Variants in WDR59 observed in about 807,000 individuals in gnomAD.
The protein encoded by WDR59 is WD repeat domain 59.
WDR59 carries 100 observed loss-of-function variants against 131.2 expected under a neutral mutation model. That is an observed-to-expected ratio of 0.76 (90% CI 0.65 to 0.90). The LOEUF (loss-of-function observed/expected upper bound fraction) is 0.90, where lower values mean the gene tolerates loss of function less well. WDR59 is among the 40% of genes least tolerant of loss of function. WDR59 has a pLI of 0.00. For missense variants in WDR59, 1,203 were observed against 1,262.2 expected (o/e 0.95, Z 0.71); for synonymous variants, 601 against 466.2 (o/e 1.29, Z -3.72).
intron 1 of WDR59, among the ~76,000 whole-genome samples, chr16:74,981,652 A>AT (rs1567450950): frequency 2.6e-4 from 2 of 7,720 alleles, no homozygotes; most frequent in Non-Finnish European, 7.2e-4. Context: ...ATATATATAT[A>AT]TATATATATT....
At chr16:74,885,268 C>T (rs978351625) in intron 25 of WDR59, among the ~76,000 whole-genome samples, 14 of 151,842 alleles carry the variant, frequency 9.2e-5, no homozygotes, top group South Asian at 4.2e-4. Flanking sequence ...GCCTGGCCAA[C>T]GTGGTAAAAC....
At chr16:74,972,821 TAA>T (rs57885889) in intron 1 of WDR59, among the ~76,000 whole-genome samples, 1,804 of 54,964 alleles carry the variant, frequency 0.033, 28 homozygotes, top group East Asian at 0.12. Flanking sequence ...GACTCTGTCT[TAA>T]AAAAAAAAAA....
At chr16:74,982,862 AGACAG>A (rs2034482940) in intron 1 of WDR59, among the ~76,000 whole-genome samples, 1 of 152,158 alleles carries the variant, frequency 6.6e-6, no homozygotes, top group Non-Finnish European at 1.5e-5. Context: ...CTCCGGCAAA[AGACAG>A]GATGGGGTTT....
intron 20 of WDR59, among the ~76,000 whole-genome samples, chr16:74,890,388 T>C (rs895014408): frequency 6.6e-6 from 1 of 152,122 alleles, no homozygotes; most frequent in African/African-American, 2.4e-5. Context: ...TGGACTCAAG[T>C]GATCCACCTG....
At position 74,965,760 on chromosome 16, in the gene WDR59, C is replaced by T; in HGVS notation, c.104+13G>A. On this transcript the variant is annotated intron_variant, in intron 2 of 25. Coordinates refer to ENST00000262144, the MANE Select transcript of WDR59 (RefSeq NM_030581.4). Reference sequence around the variant, plus strand: ...CAGAAATCATGGCAGACAAACTCGGCAAGCTTACTTACCCAGAAAGCACTG... The same window carrying T: ...CAGAAATCATGGCAGACAAACTCGGTAAGCTTACTTACCCAGAAAGCACTG... 1.2e-6 allele frequency: 2 copies of T among 1,614,010 alleles called. No homozygotes were observed. Among genetic ancestry groups the T allele is most frequent in the South Asian group, 1.1e-5 (1 of 91,066 alleles).
chr16:74,913,806 G>C (rs1031867256), intron 13 of WDR59, among the ~76,000 whole-genome samples: 4 of 152,208 alleles, frequency 2.6e-5, no homozygotes, highest in African/African-American at 9.7e-5. Context: ...CTGCTCATGG[G>C]TATGGGGTTT....
In WDR59 at chr16:74,893,696, C is replaced by A. The variant is rs772281415; in HGVS notation, c.1983G>T (p.Ser661=). The change falls in exon 19 of 26, where the codon TCG becomes TCT. Residue 661 remains serine (S), a synonymous_variant. Coordinates refer to ENST00000262144, the MANE Select transcript of WDR59 (RefSeq NM_030581.4). ...DIACLLPVHK[S]LGELYILNVN... ...GTACTTACATGTACAGCTCTCCCAGCGATTTGTGAACAGGCAGGAGGCAAG... is the reference window on the plus strand; with the variant it reads ...GTACTTACATGTACAGCTCTCCCAGAGATTTGTGAACAGGCAGGAGGCAAG... 1 of 1,614,042 alleles carries A rather than the reference C, an allele frequency of 6.2e-7. No homozygotes were observed. Among genetic ancestry groups the A allele is most frequent in the Admixed American group, 1.7e-5 (1 of 60,008 alleles).
intron 1 of WDR59, among the ~76,000 whole-genome samples, chr16:74,981,652 ATATATATAT>A (rs2034428108): frequency 1.3e-4 from 1 of 7,720 alleles, no homozygotes; most frequent in African/African-American, 1.8e-4. Context: ...ATATATATAT[ATATATATAT>A]TTTTTTTTTT....
intron 8 of WDR59, among the ~76,000 whole-genome samples, chr16:74,926,211 C>A (rs2030800161): frequency 1.3e-5 from 2 of 151,884 alleles, no homozygotes; most frequent in Non-Finnish European, 2.9e-5. Flanking sequence ...AGGCACGCAC[C>A]ACCACGCCTG....
chr16:74,960,199 C>T (rs915469403), intron 2 of WDR59, among the ~76,000 whole-genome samples: 30 of 151,940 alleles, frequency 2.0e-4, no homozygotes, highest in African/African-American at 7.2e-4. Flanking sequence ...GGCATGGCAG[C>T]GTGAGCCTGT....
rs940646466 is a variant in WDR59, at chr16:74,888,157, G to T, written c.2346+12C>A. 2.5e-5 allele frequency: 39 copies of T among 1,562,514 alleles called. No homozygotes were observed. Among genetic ancestry groups the T allele is most frequent in the Middle Eastern group, 1.7e-4 (1 of 5,826 alleles). On this transcript the variant is annotated intron_variant, in intron 22 of 25. Transcript: ENST00000262144. Reference sequence around the variant, plus strand: ...AAAAAAATCAGACAAAACCAGAAAAGGACAAACTTACATATCGACTATGGG... The same window carrying T: ...AAAAAAATCAGACAAAACCAGAAAATGACAAACTTACATATCGACTATGGG...
At chr16:74,881,646 G>C (rs1400133971) in intron 25 of WDR59, among the ~76,000 whole-genome samples, 2 of 151,980 alleles carry the variant, frequency 1.3e-5, no homozygotes, top group African/African-American at 4.8e-5. Context: ...AGGCCCAGGT[G>C]GGTGGATCAC....
intron 8 of WDR59, among the ~76,000 whole-genome samples, chr16:74,936,403 G>T (rs2031805376): frequency 6.6e-6 from 1 of 152,088 alleles, no homozygotes; most frequent in African/African-American, 2.4e-5. Context: ...GGAAACCCCA[G>T]ACTCACAGGT....
chr16:74,975,107 T>C (rs745844962), intron 1 of WDR59, among the ~76,000 whole-genome samples: 4 of 152,182 alleles, frequency 2.6e-5, no homozygotes, highest in African/African-American at 4.8e-5. Flanking sequence ...ACACCTGTAA[T>C]CCCAGCACCT....
chr16:74,973,197 C>T (rs929390017), intron 1 of WDR59, among the ~76,000 whole-genome samples: 7 of 152,064 alleles, frequency 4.6e-5, no homozygotes, highest in African/African-American at 1.2e-4. Flanking sequence ...GCCAAGATTG[C>T]GCCATTGCAC....
At chr16:74,954,499 T>A (rs541714679) in intron 3 of WDR59, among the ~76,000 whole-genome samples, 142 of 152,240 alleles carry the variant, frequency 9.3e-4, no homozygotes, top group Non-Finnish European at 1.7e-3. Flanking sequence ...ATACAAAAAA[T>A]AAATTTTGGA....
chr16:74,899,782 G>C, intron 18 of WDR59: 7 of 1,286,282 alleles, frequency 5.4e-6, no homozygotes, highest in Non-Finnish European at 7.1e-6. Flanking sequence ...ACACCCAGGA[G>C]GAGGGAAGAA....
intron 6 of WDR59, among the ~76,000 whole-genome samples, chr16:74,947,412 A>G (rs1175009732): frequency 6.6e-6 from 1 of 152,228 alleles, no homozygotes; most frequent in African/African-American, 2.4e-5. Flanking sequence ...ATGCAGATAC[A>G]ATCAGTGTAA....
chr16:74,876,307 A>G (rs983772717), intron 25 of WDR59, among the ~76,000 whole-genome samples: 7 of 152,218 alleles, frequency 4.6e-5, no homozygotes, highest in African/African-American at 1.7e-4. Flanking sequence ...ATAATTTTTT[A>G]TATTATGTAC....
Sources: allele counts gnomAD v4.1 joint callset (sites outside exome capture counted in the v4.1 genomes callset), GRCh38; gene constraint gnomAD v4.1.1; transcripts MANE v1.5; gene names NCBI Gene and HGNC (gene_info 2026-07-23, HGNC 2026-07-21).